Variants in INPP5F observed in about 807,000 individuals in gnomAD.
INPP5F encodes phosphatidylinositide 4-phosphatase SAC2.
A neutral mutation model predicts 137.2 loss-of-function variants in INPP5F; 97 were observed. That is an observed-to-expected ratio of 0.71 (90% CI 0.60 to 0.84). INPP5F has a LOEUF of 0.84. Among genes scored for constraint, INPP5F ranks in the 40% least tolerant of loss-of-function variants. The probability of loss-of-function intolerance (pLI) is 0.00; values close to 1 mark genes in which losing one functional copy is unlikely to be tolerated. For missense variants in INPP5F, 1,271 were observed against 1,371.9 expected, an observed-to-expected ratio of 0.93 and a Z score of 1.16; for synonymous variants, 504 against 476.9, an observed-to-expected ratio of 1.06 and a Z score of -0.74.
rs534743133 is a variant in INPP5F at position 119,748,520 on chromosome 10, G to C, written c.98-2556G>C. Reference sequence around the variant, plus strand: ...ATGCAAGGTATGTGGACAACTGGAGGGGGAGCAAGGCAGAGAGCAGCTTCA... The same window carrying C: ...ATGCAAGGTATGTGGACAACTGGAGCGGGAGCAAGGCAGAGAGCAGCTTCA... On this transcript the variant is annotated intron_variant, in intron 1 of 19. Coordinates refer to ENST00000650623, the MANE Select transcript of INPP5F (RefSeq NM_014937.4). This position sits in a 1 kb window ranked among gnomAD's most constrained non-coding sequence, Gnocchi z 4.7. Among the ~76,000 whole-genome samples the C allele has an allele frequency of 1.6e-4, 24 of 152,260 alleles. No individual in the cohort carries two copies. Among genetic ancestry groups the C allele is most frequent in the East Asian group, 1.9e-4 (1 of 5,186 alleles).
chr10:119,726,493 C>A, intron 1 of INPP5F, 134 bp downstream of exon 1: 1 of 354,062 alleles, frequency 2.8e-6, no homozygotes, highest in Non-Finnish European at 4.6e-6. Context: ...GCTGCGAGCG[C>A]GCGAGCTGTC....
intron 12 of INPP5F, 120 bp downstream of exon 12, chr10:119,806,600 C>T (rs1850799639): frequency 1.1e-6 from 1 of 901,278 alleles, no homozygotes; most frequent in Non-Finnish European, 1.6e-6. Context: ...TTACAATATA[C>T]AAACACCCTT....
intron 2 of INPP5F, among the ~76,000 whole-genome samples, chr10:119,765,546 AT>A (rs36034689): frequency 0.36 from 46,389 of 129,652 alleles, 7,580 homozygotes; most frequent in South Asian, 0.46. Context: ...TAATTTTTGT[AT>A]TTTTTTTTTT....
intron 2 of INPP5F, among the ~76,000 whole-genome samples, chr10:119,780,739 T>C (rs1185629979): frequency 2.0e-5 from 3 of 152,240 alleles, no homozygotes; most frequent in Non-Finnish European, 4.4e-5. Flanking sequence ...GTATAGACTT[T>C]TCTTTCTCAT....
At chr10:119,789,335 AAG>A (rs1211874848) in intron 3 of INPP5F, among the ~76,000 whole-genome samples, 15 of 152,332 alleles carry the variant, frequency 9.8e-5, no homozygotes, top group African/African-American at 3.4e-4. Flanking sequence ...AGGTTTTTAA[AAG>A]AGTTATTCAT....
chr10:119,744,273 A>G (rs1376300352), intron 1 of INPP5F, among the ~76,000 whole-genome samples: 1 of 152,190 alleles, frequency 6.6e-6, no homozygotes, highest in Non-Finnish European at 1.5e-5. Context: ...TTGACTTGTC[A>G]AATTCCTTTC....
In INPP5F at chr10:119,811,951, C is replaced by A. The variant is rs1371929645; in HGVS notation, c.1882C>A (p.Pro628Thr). 1 of 1,613,582 alleles carries A rather than the reference C, an allele frequency of 6.2e-7. No homozygotes were observed. The highest frequency in any genetic ancestry group is 1.1e-5 in the South Asian group (1 of 91,066). ...GGGCTGGGCCCTCATTGACTGTGAC[C>A]CTAGGTGAGTTGGAGTGGTGTCCAG... The part of the protein sequence containing the change: ...HGGWALIDCD[P>T]SLIDATHRDV... The change falls in exon 15 of 20, where the codon CCT becomes ACT. Residue 628 changes from proline (P) to threonine (T), a missense_variant. By Grantham distance (38) the Pro-to-Thr change is conservative. Coordinates refer to ENST00000650623, the MANE Select transcript of INPP5F (RefSeq NM_014937.4).
At chr10:119,755,112 G>A (rs964110093) in intron 2 of INPP5F, among the ~76,000 whole-genome samples, 11 of 152,212 alleles carry the variant, frequency 7.2e-5, no homozygotes, top group African/African-American at 2.2e-4. Context: ...GAGCAATGCC[G>A]CTGTTCCTGA....
Position 119,783,884 on chromosome 10 carries a change from C to T in INPP5F, c.315+2113C>T, listed in dbSNP as rs144446562. On this transcript the variant is annotated intron_variant, in intron 3 of 19. Coordinates refer to ENST00000650623, the MANE Select transcript of INPP5F (RefSeq NM_014937.4). Reference sequence around the variant, plus strand: ...CACGTTAAGAGTTGAGTATACGTAACGACTCTTGCTAATTGGGAGTAAAAG... The same window carrying T: ...CACGTTAAGAGTTGAGTATACGTAATGACTCTTGCTAATTGGGAGTAAAAG... Among the ~76,000 whole-genome samples the T allele has an allele frequency of 4.1e-4, 63 of 152,288 alleles. 1 individual carries two copies. The highest frequency in any genetic ancestry group is 1.2e-3 in the African/African-American group (50 of 41,554).
intron 19 of INPP5F, among the ~76,000 whole-genome samples, chr10:119,825,645 T>C (rs1019983540): frequency 6.6e-6 from 1 of 152,144 alleles, no homozygotes; most frequent in African/African-American, 2.4e-5. Flanking sequence ...GTAGAGAAAA[T>C]AGTATGTTTT....
intron 1 of INPP5F, among the ~76,000 whole-genome samples, chr10:119,745,760 A>G (rs1401036497): frequency 7.6e-6 from 1 of 132,118 alleles, no homozygotes; most frequent in Non-Finnish European, 1.5e-5. Context: ...GCTGGAGTGC[A>G]GTGTCGTGAT....
intron 15 of INPP5F, chr10:119,819,663 AGAATC>A: frequency 1.7e-6 from 1 of 602,364 alleles, no homozygotes; most frequent in Admixed American, 3.7e-5. Flanking sequence ...TTTGGCTCCT[AGAATC>A]GATCTGTGTG....
intron 2 of INPP5F, among the ~76,000 whole-genome samples, chr10:119,772,717 G>T (rs184677786): frequency 6.6e-6 from 1 of 151,868 alleles, no homozygotes; most frequent in Non-Finnish European, 1.5e-5. Flanking sequence ...CTTTTTTTTC[G>T]TGTGGAGAAC....
chr10:119,806,360 G>C lies in INPP5F; in HGVS notation c.1320G>C (p.Trp440Cys). ...YDIILDMKWC[W>C]VDEAGVICKQ... ...ATAATTCTGTATTATTTTTAAAAAG[G>C]GTTGATGAAGCTGGGGTAATATGTA... The change falls in exon 12 of 20, where the codon TGG becomes TGC. Residue 440 changes from tryptophan (W) to cysteine (C), a missense_variant and splice_region_variant. Physicochemically the swap from Trp to Cys is radical, Grantham distance 215. Around this residue, in one of 6 missense-constraint regions of INPP5F, gnomAD observed 593 missense variants for 712.4 expected, o/e 0.83. Coordinates refer to ENST00000650623, the MANE Select transcript of INPP5F (RefSeq NM_014937.4). The C allele has an allele frequency of 6.5e-7, 1 of 1,532,708 alleles. No individual in the cohort carries two copies. Among genetic ancestry groups the C allele is most frequent in the Non-Finnish European group, 8.8e-7 (1 of 1,136,176 alleles). The allele number at this position is 1,532,708 out of a possible 1,614,324, so 94.9% of individuals were successfully genotyped here.
rs1197937858 is a variant in INPP5F at position 119,797,610 on chromosome 10, C to T, written c.1018C>T (p.Arg340Ter). The T allele has an allele frequency of 1.9e-6, 3 of 1,612,848 alleles. No homozygotes were observed. Among genetic ancestry groups the T allele is most frequent in the East Asian group, 4.5e-5 (2 of 44,866 alleles). The change falls in exon 8 of 20, where the codon CGA becomes TGA. Residue 340 changes from arginine (R) to a stop codon, truncating the protein, a stop_gained. Coordinates refer to ENST00000650623, the MANE Select transcript of INPP5F (RefSeq NM_014937.4). LOFTEE classifies it high-confidence loss of function. Reference sequence around the variant, plus strand: ...TGTCTTTTGGAGCCAGGTTGGGTATCGATATAACCCAAGACCGCGGCTGGA... The same window carrying T: ...TGTCTTTTGGAGCCAGGTTGGGTATTGATATAACCCAAGACCGCGGCTGGA... Reference protein sequence around the residue: ...VPVFWSQVGYRYNPRPRLDRS... With the variant: ...VPVFWSQVGY
At chr10:119,797,075 G>T (rs1268769753) in intron 7 of INPP5F, among the ~76,000 whole-genome samples, 162 bp downstream of exon 7, 1 of 152,184 alleles carries the variant, frequency 6.6e-6, no homozygotes, top group Non-Finnish European at 1.5e-5. Flanking sequence ...ACAAATTTTT[G>T]AAGAGGGGTG....
chr10:119,759,277 T>C (rs1351493501), intron 2 of INPP5F, among the ~76,000 whole-genome samples: 2 of 152,206 alleles, frequency 1.3e-5, no homozygotes. Context: ...TGCCTTGGCC[T>C]TTCAAAGTGC....
At chr10:119,783,762 G>A (rs1028103714) in intron 3 of INPP5F, among the ~76,000 whole-genome samples, 5 of 152,064 alleles carry the variant, frequency 3.3e-5, no homozygotes, top group African/African-American at 9.7e-5. Flanking sequence ...CAAATAAAAA[G>A]GAAGTGAGAT....
chr10:119,826,842 A>G lies in INPP5F; in HGVS notation c.2461A>G (p.Lys821Glu), dbSNP rs1460104739. The part of the protein sequence containing the change: ...MKVNFLKPNL[K>E]VNLWKSDSSL... ...AGTTAACTTTCTAAAACCAAACTTA[A>G]AAGTAAATCTTTGGAAATCAGATAG... is the stretch of plus-strand genomic sequence containing the variant. Residue 821 changes from lysine (K) to glutamate (E), a missense_variant, in exon 20 of 20, where the codon AAA becomes GAA. Lys to Glu is a moderately conservative substitution (Grantham distance 56). Around this residue, in one of 6 missense-constraint regions of INPP5F, gnomAD observed 490 missense variants for 443.7 expected, o/e 1.10. Coordinates refer to ENST00000650623, the MANE Select transcript of INPP5F (RefSeq NM_014937.4). The G allele has an allele frequency of 1.9e-6, 3 of 1,613,548 alleles. No homozygotes were observed. The highest frequency in any genetic ancestry group is 2.7e-5 in the African/African-American group (2 of 74,876).
Sources: gnomAD v4.1 joint callset for allele counts (sites outside exome capture counted in the v4.1 genomes callset) on GRCh38, gnomAD v4.1.1 for gene constraint, gnomAD v4.1.1 regional missense constraint, Gnocchi (gnomAD v3.1) non-coding constraint, MANE v1.5 for transcripts, NCBI Gene and HGNC (gene_info 2026-07-23, HGNC 2026-07-21) for gene names.